NSMAF: variants seen among roughly 807,000 people sequenced by gnomAD.
NSMAF encodes neutral sphingomyelinase activation associated factor, also known as protein FAN.
Under a neutral mutation model 134.9 loss-of-function variants are expected in NSMAF, and 90 were observed. The ratio of observed to expected loss-of-function variants is 0.67; its 90% CI spans 0.56 to 0.79. The LOEUF is 0.79. Among genes scored for constraint, NSMAF ranks in the 30% least tolerant of loss-of-function variants. NSMAF has a pLI of 0.00. For missense variants in NSMAF, 1,010 were observed against 1,119.0 expected (o/e 0.90, Z 1.39); for synonymous variants, 358 against 389.6 (o/e 0.92, Z 0.96).
chr8:58,591,828 G>T (rs1269494259), intron 23 of NSMAF, among the ~76,000 whole-genome samples: 1 of 152,028 alleles, frequency 6.6e-6, no homozygotes, highest in African/African-American at 2.4e-5. Flanking sequence ...AAATTACAAG[G>T]CTCTAATGTG....
intron 6 of NSMAF, among the ~76,000 whole-genome samples, chr8:58,627,971 T>C (rs1048312950): frequency 5.9e-5 from 9 of 152,094 alleles, no homozygotes; most frequent in Non-Finnish European, 1.2e-4. Context: ...CATCACATTA[T>C]TCAACTTCAA....
chr8:58,599,599 T>C (rs1410553711), intron 18 of NSMAF, 151 bp downstream of exon 18: 6 of 939,192 alleles, frequency 6.4e-6, no homozygotes, highest in Non-Finnish European at 9.5e-6. Flanking sequence ...CACAGACTCA[T>C]AGAATACTTC....
intron 23 of NSMAF, among the ~76,000 whole-genome samples, chr8:58,591,761 A>T (rs1392227672): frequency 6.6e-6 from 1 of 152,084 alleles, no homozygotes; most frequent in Non-Finnish European, 1.5e-5. Context: ...TACTGGGATT[A>T]CAGGTGTGAG....
intron 9 of NSMAF, 74 bp from the exon 10 acceptor site, chr8:58,609,807 T>TA: frequency 7.0e-7 from 1 of 1,422,080 alleles, no homozygotes; most frequent in Non-Finnish European, 9.7e-7. Context: ...CTAAGGGAGC[T>TA]ACAGTGTGAC....
At chr8:58,649,405 T>C (rs541728156) in intron 1 of NSMAF, among the ~76,000 whole-genome samples, 1 of 152,282 alleles carries the variant, frequency 6.6e-6, no homozygotes, top group African/African-American at 2.4e-5. Flanking sequence ...GGACTTGATG[T>C]TGAAATAAGT....
intron 22 of NSMAF, chr8:58,594,592 C>T (rs1331874725): frequency 2.7e-6 from 1 of 375,980 alleles, no homozygotes. Flanking sequence ...TCTATTCCCC[C>T]TCGTTTGACC....
rs369720528 is a variant in NSMAF at position 58,585,873 on chromosome 8, G to A, written c.2549+25C>T. On this transcript the variant is annotated intron_variant, in intron 29 of 30. Coordinates refer to ENST00000038176, the MANE Select transcript of NSMAF (RefSeq NM_003580.4). ...CATGAACATGTCTGTAAATGTCTTC[G>A]CCCCCAGTAACTCACAAACTATACC... 2.1e-4 allele frequency: 332 copies of A among 1,596,750 alleles called. No individual in the cohort carries two copies. In the African/African-American group the frequency reaches 2.1e-3, roughly 10 times the overall value.
intron 24 of NSMAF, among the ~76,000 whole-genome samples, chr8:58,590,575 C>G (rs548819061): frequency 6.6e-6 from 1 of 152,156 alleles, no homozygotes; most frequent in African/African-American, 2.4e-5. Flanking sequence ...TTAAGTAGCA[C>G]ATAACATTTA....
intron 1 of NSMAF, among the ~76,000 whole-genome samples, chr8:58,650,424 T>C (rs1315263133): frequency 2.0e-5 from 3 of 152,048 alleles, no homozygotes; most frequent in Non-Finnish European, 4.4e-5. Flanking sequence ...GTACAACCAT[T>C]CTTTATTTGC....
intron 1 of NSMAF, among the ~76,000 whole-genome samples, chr8:58,653,166 T>C (rs1464571935): frequency 6.6e-6 from 1 of 152,182 alleles, no homozygotes; most frequent in African/African-American, 2.4e-5. Flanking sequence ...GATCTTAAAT[T>C]TAATATGCTT....
chr8:58,635,048 A>G, intron 5 of NSMAF, 141 bp downstream of exon 5: 1 of 685,508 alleles, frequency 1.5e-6, no homozygotes, highest in South Asian at 2.0e-5. Flanking sequence ...TTTTAAAACT[A>G]TATTTCTCAA....
At chr8:58,635,973 C>T (rs13438863) in intron 2 of NSMAF, among the ~76,000 whole-genome samples, 10,586 of 152,188 alleles carry the variant, frequency 0.07, 593 homozygotes, top group Non-Finnish European at 0.11. Context: ...GCTCAATATA[C>T]ATGTACTGAA....
At chr8:58,634,376 TC>T (rs1807123277) in intron 5 of NSMAF, among the ~76,000 whole-genome samples, 1 of 152,190 alleles carries the variant, frequency 6.6e-6, no homozygotes, top group South Asian at 2.1e-4. Flanking sequence ...GCTCTTCCCC[TC>T]CCCATCTGCC....
intron 2 of NSMAF, among the ~76,000 whole-genome samples, chr8:58,641,925 A>G (rs1011550690): frequency 1.1e-4 from 17 of 152,196 alleles, no homozygotes; most frequent in Admixed American, 5.9e-4. Flanking sequence ...AAACAAGTAC[A>G]TTTAATTTTA....
chr8:58,598,750 C>G (rs937787368), intron 19 of NSMAF, among the ~76,000 whole-genome samples: 59 of 152,070 alleles, frequency 3.9e-4, no homozygotes, highest in Non-Finnish European at 6.3e-4. Context: ...GGGCTGGGCG[C>G]AGTGGCTCAC....
intron 6 of NSMAF, among the ~76,000 whole-genome samples, chr8:58,630,554 T>C (rs1807035881): frequency 6.6e-6 from 1 of 152,140 alleles, no homozygotes. Context: ...CTTTTGTCAA[T>C]GTGTGGAGGT....
At chr8:58,634,121 T>C (rs1807119450) in intron 5 of NSMAF, among the ~76,000 whole-genome samples, 1 of 152,192 alleles carries the variant, frequency 6.6e-6, no homozygotes, top group African/African-American at 2.4e-5. Context: ...GAATTATTAA[T>C]AACGATGTTT....
Position 58,623,420 on chromosome 8 carries a change from T to A in NSMAF, c.461A>T (p.His154Leu). Residue 154 changes from histidine (H) to leucine (L), a missense_variant, in exon 8 of 31, where the codon CAC becomes CTC. Physicochemically the swap from His to Leu is moderately conservative, Grantham distance 99. Coordinates refer to ENST00000038176, the MANE Select transcript of NSMAF (RefSeq NM_003580.4). ...EDVVETLLQLHRASCLDKLGD... is the reference protein window; with the variant it reads ...EDVVETLLQLLRASCLDKLGD... ...CAATTTGTCAAGGCAGGATGCTCTG[T>A]GAAGCTACAGTATCATAAACAGACA... 6.2e-7 allele frequency: 1 copy of A among 1,613,966 alleles called. No individual in the cohort carries two copies. The highest frequency in any genetic ancestry group is 2.2e-5 in the East Asian group (1 of 44,864).
intron 10 of NSMAF, among the ~76,000 whole-genome samples, chr8:58,608,275 A>T (rs933438223): frequency 6.6e-6 from 1 of 152,202 alleles, no homozygotes; most frequent in African/African-American, 2.4e-5. Flanking sequence ...CTTTTATCTC[A>T]TTAAAAATTA....
Sources: allele counts gnomAD v4.1 joint callset (sites outside exome capture counted in the v4.1 genomes callset), GRCh38; gene constraint gnomAD v4.1.1; transcripts MANE v1.5; gene names NCBI Gene and HGNC (gene_info 2026-07-23, HGNC 2026-07-21).